Variants in AAMDC observed in about 807,000 individuals in gnomAD.
The protein encoded by AAMDC is mth938 domain-containing protein.
In AAMDC, 16 loss-of-function variants were observed where a neutral mutation model predicts 15.5. The observed-to-expected ratio is 1.03, with a 90% CI of 0.70 to 1.57. The LOEUF (loss-of-function observed/expected upper bound fraction) is 1.57, where lower values mean the gene tolerates loss of function less well. Among genes scored for constraint, AAMDC ranks in the 40% most tolerant of loss-of-function variants. The probability of loss-of-function intolerance (pLI) is 0.00; values close to 1 mark genes in which losing one functional copy is unlikely to be tolerated. For synonymous variants in AAMDC, 51 were observed against 51.6 expected, an observed-to-expected ratio of 0.99 and a Z score of 0.05; for missense variants, 141 against 144.9, an observed-to-expected ratio of 0.97 and a Z score of 0.14.
At chr11:77,872,093 A>C in intron 3 of AAMDC, 82 bp from the exon 4 acceptor site, 2 of 1,437,560 alleles carry the variant, frequency 1.4e-6, no homozygotes, top group South Asian at 1.4e-5. Context: ...CTAATTCTGT[A>C]GAGTACACCT....
chr11:77,890,027 T>C (rs1952194909), intron 5 of AAMDC, among the ~76,000 whole-genome samples: 1 of 152,192 alleles, frequency 6.6e-6, no homozygotes, highest in African/African-American at 2.4e-5. Context: ...CTAGTGTCCA[T>C]AGGCCCTATT....
intron 5 of AAMDC, among the ~76,000 whole-genome samples, chr11:77,897,667 ATTTT>A: frequency 6.9e-6 from 1 of 145,930 alleles, no homozygotes; most frequent in African/African-American, 2.5e-5. Context: ...CGCCCGGCTA[ATTTT>A]TTTTTTTTTA....
intron 5 of AAMDC, among the ~76,000 whole-genome samples, chr11:77,879,409 G>C (rs1177006968): frequency 6.6e-6 from 1 of 152,218 alleles, no homozygotes; most frequent in Non-Finnish European, 1.5e-5. Flanking sequence ...TTCATGATCT[G>C]CTTTATGAAC....
At chr11:77,833,296 G>A (rs1949538712) in intron 1 of AAMDC, among the ~76,000 whole-genome samples, 1 of 152,014 alleles carries the variant, frequency 6.6e-6, no homozygotes, top group Admixed American at 6.6e-5. Context: ...TACAGAATCA[G>A]TGGGAGCCCT....
chr11:77,894,856 T>C (rs1414361612), intron 5 of AAMDC, among the ~76,000 whole-genome samples: 1 of 152,230 alleles, frequency 6.6e-6, no homozygotes, highest in African/African-American at 2.4e-5. Context: ...CCTACAGCCA[T>C]TGTATCGGCA....
intron 2 of AAMDC, among the ~76,000 whole-genome samples, chr11:77,849,277 G>A (rs1793340): frequency 0.34 from 52,194 of 151,608 alleles, 9,154 homozygotes; most frequent in East Asian, 0.47. Flanking sequence ...GCTGGAATGC[G>A]GTGGCGTGAC....
intron 2 of AAMDC, among the ~76,000 whole-genome samples, chr11:77,854,385 C>G (rs1283056363): frequency 1.3e-5 from 2 of 152,126 alleles, no homozygotes; most frequent in African/African-American, 2.4e-5. Context: ...TGCCTATGAG[C>G]CTATAAGATC....
intron 1 of AAMDC, among the ~76,000 whole-genome samples, chr11:77,834,441 G>GTTTTTTTTTTTTTTTTTTTT (rs11438814): frequency 9.5e-6 from 1 of 105,548 alleles, no homozygotes; most frequent in Non-Finnish European, 1.9e-5. Context: ...AGTTGATTTT[G>GTTTTTTTTTTTTTTTTTTTT]TTTTTTTTTT....
chr11:77,870,877 CT>C (rs1951398614), intron 3 of AAMDC, among the ~76,000 whole-genome samples: 1 of 152,148 alleles, frequency 6.6e-6, no homozygotes, highest in Non-Finnish European at 1.5e-5. Context: ...TATTCTATAA[CT>C]TTTTCCCCCA....
intron 5 of AAMDC, chr11:77,878,573 GA>G: frequency 1.9e-6 from 1 of 520,780 alleles, no homozygotes; most frequent in Admixed American, 3.6e-5. Flanking sequence ...GTCACTTTAA[GA>G]AATAAGACTA....
chr11:77,844,689 T>C (rs1950071083), intron 2 of AAMDC, among the ~76,000 whole-genome samples: 2 of 152,136 alleles, frequency 1.3e-5, no homozygotes, highest in South Asian at 4.1e-4. Flanking sequence ...CGTTTATTCA[T>C]TGGGTATTTG....
chr11:77,869,306 C>CTT (rs1358517135), intron 2 of AAMDC: 4,085 of 119,826 alleles, frequency 0.034, 228 homozygotes, highest in African/African-American at 0.12. Context: ...TTATTTATCT[C>CTT]TTTTTCTTTT....
chr11:77,902,002 T>C (rs1228875942), downstream of AAMDC, among the ~76,000 whole-genome samples: 3 of 152,134 alleles, frequency 2.0e-5, no homozygotes, highest in Admixed American at 6.5e-5. Context: ...CTGAGGGAGT[T>C]TGGGACAGAA....
chr11:77,831,554 G>T (rs530661263), intron 1 of AAMDC, among the ~76,000 whole-genome samples: 47 of 152,114 alleles, frequency 3.1e-4, no homozygotes, highest in African/African-American at 1.1e-3. Context: ...TATCATTCTG[G>T]TGTTCTGAGA....
At chr11:77,875,083 T>G (rs1052029430), downstream of AAMDC, among the ~76,000 whole-genome samples, 1 of 151,664 alleles carries the variant, frequency 6.6e-6, no homozygotes, top group Non-Finnish European at 1.5e-5. Context: ...CAGCTAGGTG[T>G]GTACCTTTCT....
intron 2 of AAMDC, among the ~76,000 whole-genome samples, chr11:77,854,695 G>T (rs933964212): frequency 6.6e-6 from 1 of 152,124 alleles, no homozygotes; most frequent in African/African-American, 2.4e-5. Flanking sequence ...AGTGCCTGCG[G>T]GTTTTCCAGG....
intron 1 of AAMDC, among the ~76,000 whole-genome samples, chr11:77,822,065 C>T (rs1461713783): frequency 6.6e-6 from 1 of 152,058 alleles, no homozygotes; most frequent in Non-Finnish European, 1.5e-5. Flanking sequence ...AGACTGAATT[C>T]CGCTATATTT....
At chr11:77,861,286 G>A (rs1272459055) in intron 2 of AAMDC, among the ~76,000 whole-genome samples, 2 of 152,186 alleles carry the variant, frequency 1.3e-5, no homozygotes, top group East Asian at 3.8e-4. Flanking sequence ...AAAAGCATGT[G>A]AAAAGAGTAA....
chr11:77,876,402 C>CTT (rs71272225), downstream of AAMDC, among the ~76,000 whole-genome samples: 48 of 144,994 alleles, frequency 3.3e-4, no homozygotes, highest in Middle Eastern at 3.6e-3. Context: ...ATAAAAAGGT[C>CTT]TTTTTTTTTT....
Sources: gnomAD v4.1 joint callset for allele counts (sites outside exome capture counted in the v4.1 genomes callset) on GRCh38, gnomAD v4.1.1 for gene constraint, MANE v1.5 for transcripts, NCBI Gene and HGNC (gene_info 2026-07-23, HGNC 2026-07-21) for gene names.